Variants in HSF2BP observed in about 807,000 individuals in gnomAD.
The protein encoded by HSF2BP is heat shock factor 2-binding protein.
HSF2BP carries 35 observed loss-of-function variants against 35.0 expected under a neutral mutation model. The ratio of observed to expected loss-of-function variants is 1.00; its 90% CI spans 0.76 to 1.32. HSF2BP has a LOEUF of 1.32. HSF2BP is among the 40% of genes most tolerant of loss of function. HSF2BP has a pLI of 0.00. For synonymous variants in HSF2BP, 114 were observed against 117.4 expected, an observed-to-expected ratio of 0.97 and a Z score of 0.18; for missense variants, 326 against 321.7, an observed-to-expected ratio of 1.01 and a Z score of -0.10.
chr21:43,623,529 C>T (rs1325823888), intron 6 of HSF2BP, among the ~76,000 whole-genome samples: 2 of 152,106 alleles, frequency 1.3e-5, no homozygotes, highest in African/African-American at 4.8e-5. Context: ...TCAAGGTTAT[C>T]TCCGTAGTCC....
At chr21:43,605,297 C>T (rs2082118962) in intron 7 of HSF2BP, among the ~76,000 whole-genome samples, 1 of 148,680 alleles carries the variant, frequency 6.7e-6, no homozygotes, top group South Asian at 2.2e-4. Flanking sequence ...ACACCCCACA[C>T]ACAACACACC....
chr21:43,651,351 G>T (rs1044145674), intron 3 of HSF2BP, among the ~76,000 whole-genome samples: 1 of 151,854 alleles, frequency 6.6e-6, no homozygotes, highest in South Asian at 2.1e-4. Flanking sequence ...TCTCACTGCC[G>T]ATCATAAATC....
chr21:43,604,646 CCA>C (rs369649578), intron 7 of HSF2BP, among the ~76,000 whole-genome samples: 118 of 144,966 alleles, frequency 8.1e-4, no homozygotes, highest in Middle Eastern at 7.5e-3. Context: ...AGCACACACA[CCA>C]CACACACACC....
intron 7 of HSF2BP, among the ~76,000 whole-genome samples, chr21:43,608,173 A>G (rs1180145951): frequency 2.6e-5 from 4 of 152,204 alleles, no homozygotes; most frequent in Admixed American, 6.5e-5. Flanking sequence ...ACAGAATGGG[A>G]GAAAATATTC....
At chr21:43,625,847 G>C (rs185480029) in intron 6 of HSF2BP, among the ~76,000 whole-genome samples, 17 of 152,290 alleles carry the variant, frequency 1.1e-4, no homozygotes, top group Admixed American at 1.0e-3. Flanking sequence ...GCCGCGCTGA[G>C]CTTGAATGCT....
chr21:43,636,204 G>GAAAGAAAAGAAAAGAAAAGAAAAGA (rs200084779), intron 4 of HSF2BP, among the ~76,000 whole-genome samples: 5 of 106,942 alleles, frequency 4.7e-5, no homozygotes, highest in Non-Finnish European at 9.2e-5. Flanking sequence ...AGAAAAAAAA[G>GAAAGAAAAGAAAAGAAAAGAAAAGA]AAAGAAAAGA....
At chr21:43,601,933 A>G (rs868363744) in intron 7 of HSF2BP, among the ~76,000 whole-genome samples, 12 of 152,218 alleles carry the variant, frequency 7.9e-5, no homozygotes, top group Non-Finnish European at 1.0e-4. Context: ...TTGACTGGAA[A>G]CTGGTTAGAA....
the HSF2BP span, among the ~76,000 whole-genome samples, chr21:43,496,040 C>CA: frequency 7.5e-6 from 1 of 133,298 alleles, no homozygotes; most frequent in Non-Finnish European, 1.7e-5. Flanking sequence ...CACACACACA[C>CA]ACGCACACAG....
intron 7 of HSF2BP, among the ~76,000 whole-genome samples, chr21:43,604,731 CCA>C (rs1361778173): frequency 4.5e-5 from 6 of 133,764 alleles, no homozygotes; most frequent in Admixed American, 7.8e-5. Flanking sequence ...ACCACATACA[CCA>C]CACACACACC....
intron 6 of HSF2BP, among the ~76,000 whole-genome samples, chr21:43,624,867 A>G (rs2082371100): frequency 6.6e-6 from 1 of 152,124 alleles, no homozygotes; most frequent in Admixed American, 6.5e-5. Flanking sequence ...CTCTTATCCA[A>G]GTTACTGGAA....
chr21:43,599,028 A>G (rs2082020075), intron 7 of HSF2BP, among the ~76,000 whole-genome samples: 1 of 152,220 alleles, frequency 6.6e-6, no homozygotes, highest in Non-Finnish European at 1.5e-5. Context: ...GCATGAAACT[A>G]AGATAAACCA....
chr21:43,581,307 A>C (rs1052465796), intron 8 of HSF2BP, among the ~76,000 whole-genome samples: 9 of 151,958 alleles, frequency 5.9e-5, no homozygotes, highest in Non-Finnish European at 1.3e-4. Context: ...AATGGCGTGA[A>C]CCTGGGAGGC....
intron 3 of HSF2BP, among the ~76,000 whole-genome samples, chr21:43,647,400 T>C (rs1202252572): frequency 6.6e-6 from 1 of 152,044 alleles, no homozygotes; most frequent in Admixed American, 6.5e-5. Context: ...CTGGCTAATT[T>C]TTGTATTTTT....
intron 7 of HSF2BP, among the ~76,000 whole-genome samples, chr21:43,595,296 G>C (rs2081971146): frequency 6.6e-6 from 1 of 151,988 alleles, no homozygotes; most frequent in African/African-American, 2.4e-5. Context: ...TAAAAGAATG[G>C]GAAAAGATAT....
chr21:43,631,717 C>T (rs1336495104), intron 5 of HSF2BP, among the ~76,000 whole-genome samples: 2 of 152,148 alleles, frequency 1.3e-5, no homozygotes, highest in South Asian at 2.1e-4. Flanking sequence ...TACTCTATGA[C>T]ATTAACTCTC....
chr21:43,499,818 T>C, the HSF2BP span, among the ~76,000 whole-genome samples: 1,006 of 112,300 alleles, frequency 9.0e-3, 224 homozygotes, highest in Non-Finnish European at 0.012. Context: ...ACATGCACAC[T>C]CACACCAAAC....
chr21:43,506,091 C>A, the HSF2BP span, among the ~76,000 whole-genome samples: 1 of 132,842 alleles, frequency 7.5e-6, no homozygotes, highest in Non-Finnish European at 1.7e-5. Flanking sequence ...GGGTCTGCCC[C>A]ACTCCTGCCG....
intron 4 of HSF2BP, among the ~76,000 whole-genome samples, chr21:43,633,859 C>A (rs1421049116): frequency 1.3e-5 from 2 of 152,118 alleles, no homozygotes; most frequent in African/African-American, 4.8e-5. Flanking sequence ...ACGCCATCTG[C>A]CAGAGGCAGA....
intron 4 of HSF2BP, among the ~76,000 whole-genome samples, chr21:43,641,672 G>A (rs544823157): frequency 2.4e-4 from 37 of 152,126 alleles, no homozygotes; most frequent in African/African-American, 8.4e-4. Context: ...TAGCAGCCAG[G>A]CACGGTGGCT....
Sources: allele counts gnomAD v4.1 joint callset (sites outside exome capture counted in the v4.1 genomes callset), GRCh38; gene constraint gnomAD v4.1.1; transcripts MANE v1.5; gene names NCBI Gene and HGNC (gene_info 2026-07-23, HGNC 2026-07-21).